Variants in INPP5A observed in about 807,000 individuals in gnomAD.
INPP5A encodes the protein 43 kDa inositol polyphosphate 5-phophatase.
A neutral mutation model predicts 65.2 loss-of-function variants in INPP5A; 14 were observed. That is an observed-to-expected ratio of 0.21 (90% CI 0.14 to 0.34). The LOEUF (loss-of-function observed/expected upper bound fraction) is 0.34. INPP5A is among the 10% of genes least tolerant of loss of function. The pLI, the probability that INPP5A is intolerant of heterozygous loss-of-function variation, is 1.00. For missense variants in INPP5A, 431 were observed against 545.6 expected (o/e 0.79, Z 2.09); for synonymous variants, 207 against 208.3 (o/e 0.99, Z 0.05).
At chr10:132,596,982 T>C (rs2071708935) in intron 1 of INPP5A, among the ~76,000 whole-genome samples, 2 of 151,694 alleles carry the variant, frequency 1.3e-5, no homozygotes, top group Middle Eastern at 6.9e-3. Flanking sequence ...CATGCGTGTG[T>C]GCATGCACGT....
chr10:132,719,014 C>G (rs575741123), intron 8 of INPP5A, among the ~76,000 whole-genome samples: 73 of 145,398 alleles, frequency 5.0e-4, no homozygotes, highest in African/African-American at 1.8e-3. Flanking sequence ...CCTTAGACGA[C>G]TGTCTTGCGG....
chr10:132,666,250 G>A (rs550491651), intron 4 of INPP5A, among the ~76,000 whole-genome samples: 1 of 152,240 alleles, frequency 6.6e-6, no homozygotes, highest in Admixed American at 6.5e-5. Context: ...GGATATTTAT[G>A]TTTAAACCGA....
At chr10:132,669,630 G>A (rs994326622) in intron 4 of INPP5A, among the ~76,000 whole-genome samples, 2 of 152,212 alleles carry the variant, frequency 1.3e-5, no homozygotes, top group Non-Finnish European at 2.9e-5. Flanking sequence ...CACCATTCAT[G>A]TGTCCTTAGT....
At chr10:132,768,122 C>G (rs1846884543) in intron 12 of INPP5A, among the ~76,000 whole-genome samples, 1 of 145,938 alleles carries the variant, frequency 6.9e-6, no homozygotes, top group Non-Finnish European at 1.5e-5. Context: ...TCCCAGGGTG[C>G]CCACGTGCCC....
rs964149705 is a variant in INPP5A at position 132,708,624 on chromosome 10, G to C, written c.527+259G>C. On this transcript the variant is annotated intron_variant, in intron 7 of 15. Transcript: ENST00000368594. ...ACAGTGACGGCCCCAGTCCCTCCCC[G>C]CAGCTGGAGAGTTCCGCTGGCCAGA... 3 of 576,750 alleles carry C rather than the reference G, an allele frequency of 5.2e-6. No homozygotes were observed. The Admixed American group carries it at 6.9e-5, about 13-fold the overall frequency. The allele number at this position is 576,750 out of a possible 1,614,324, so 35.7% of individuals were successfully genotyped here.
At chr10:132,636,780 G>T (rs1042137155) in intron 2 of INPP5A, among the ~76,000 whole-genome samples, 5 of 152,224 alleles carry the variant, frequency 3.3e-5, no homozygotes, top group African/African-American at 1.2e-4. Flanking sequence ...TTTGAAGGAT[G>T]CTTTGCTGGA....
At chr10:132,621,155 C>T (rs755930194) in intron 2 of INPP5A, among the ~76,000 whole-genome samples, 2 of 152,238 alleles carry the variant, frequency 1.3e-5, no homozygotes, top group South Asian at 4.1e-4. Context: ...CAGAGCCCCA[C>T]AGCTCATGCC....
At chr10:132,617,346 G>A (rs1472741600) in intron 2 of INPP5A, among the ~76,000 whole-genome samples, 2 of 152,174 alleles carry the variant, frequency 1.3e-5, no homozygotes, top group African/African-American at 2.4e-5. Context: ...CTGCCTCCTG[G>A]TCTGATCTAA....
intron 1 of INPP5A, among the ~76,000 whole-genome samples, chr10:132,573,847 G>C (rs1224221524): frequency 7.3e-6 from 1 of 136,456 alleles, no homozygotes; most frequent in East Asian, 2.3e-4. Context: ...GGGTGTGTGT[G>C]CTGTGTGAGG....
At chr10:132,553,085 G>A (rs2071076295) in intron 1 of INPP5A, among the ~76,000 whole-genome samples, 1 of 143,938 alleles carries the variant, frequency 6.9e-6, no homozygotes, top group Non-Finnish European at 1.5e-5. Context: ...GACAGGGAGG[G>A]AGGACTGGTG....
rs899663998 is a variant in INPP5A, at chr10:132,704,842, G to T, written c.475-3471G>T. 3.3e-5 allele frequency among the ~76,000 whole-genome samples: 5 copies of T among 149,254 alleles called. No homozygotes were observed. Among genetic ancestry groups the T allele is most frequent in the African/African-American group, 1.2e-4 (5 of 40,396 alleles). ...GCAGGCAGCTCCTCTGGAGTGTGGA[G>T]GATGGAGGAAGGGCGTCTGGACAGG... On this transcript the variant is annotated intron_variant, in intron 6 of 15. Transcript: ENST00000368594. The surrounding 1 kb of genome is among the most constrained non-coding windows in gnomAD (Gnocchi z 4.5).
In INPP5A at chr10:132,697,793, C is replaced by T; in HGVS notation, c.371-23C>T. ...TGGGGCACAGTGATGGGATAGTCAC[C>T]TCGTCCTTCTGGTCTCTTCCAGCTA... On this transcript the variant is annotated intron_variant, in intron 5 of 15. Coordinates refer to ENST00000368594, the MANE Select transcript of INPP5A (RefSeq NM_005539.5). This position sits in a 1 kb window ranked among gnomAD's most constrained non-coding sequence, Gnocchi z 5.6. 1 of 1,522,548 alleles carries T rather than the reference C, an allele frequency of 6.6e-7. No individual in the cohort carries two copies. Among genetic ancestry groups the T allele is most frequent in the African/African-American group, 1.4e-5 (1 of 73,104 alleles). 94.3% of individuals were successfully genotyped at this position (1,522,548 alleles called of 1,614,324 possible). A position where few individuals can be genotyped will look rare whatever the true frequency, so the allele number is the denominator to read the frequency against.
At chr10:132,709,651 C>T (rs1037228521) in intron 7 of INPP5A, among the ~76,000 whole-genome samples, 13 of 152,182 alleles carry the variant, frequency 8.5e-5, no homozygotes, top group African/African-American at 2.4e-4. Context: ...TCATTCCTGG[C>T]GCCTCCTGGT....
At chr10:132,703,749 GTACGGCTT>G in intron 6 of INPP5A, among the ~76,000 whole-genome samples, 2 of 45,358 alleles carry the variant, frequency 4.4e-5, no homozygotes, top group Non-Finnish European at 3.8e-5. Flanking sequence ...ACACATACAC[GTACGGCTT>G]CACCCCCCCC....
chr10:132,645,830 G>T (rs1359184228), intron 2 of INPP5A, 38 bp from the exon 3 acceptor site: 1 of 1,515,418 alleles, frequency 6.6e-7, no homozygotes, highest in Admixed American at 1.8e-5. Flanking sequence ...TCTGTGGACG[G>T]CTCCGACGAC....
chr10:132,633,457 G>A (rs1176377291), intron 2 of INPP5A, among the ~76,000 whole-genome samples: 6 of 152,188 alleles, frequency 3.9e-5, no homozygotes, highest in Non-Finnish European at 1.5e-5. Context: ...TCTGATGTGC[G>A]TGTCTGTCGG....
chr10:132,724,265 A>G (rs937527878), intron 8 of INPP5A, among the ~76,000 whole-genome samples: 4 of 152,230 alleles, frequency 2.6e-5, no homozygotes, highest in Non-Finnish European at 5.9e-5. Context: ...AAGATGGGAC[A>G]CGTTGAATAA....
At position 132,610,263 on chromosome 10, in the gene INPP5A, C is replaced by T. The variant is rs1218100388; in HGVS notation, c.117+2307C>T. On this transcript the variant is annotated intron_variant, in intron 2 of 15. Coordinates refer to ENST00000368594, the MANE Select transcript of INPP5A (RefSeq NM_005539.5). ...GGTCGATGTGGAGGAAGCCCCTGTCCCCACGCTCCAGCCCCTGGCAATTGT... is the reference window on the plus strand; with the variant it reads ...GGTCGATGTGGAGGAAGCCCCTGTCTCCACGCTCCAGCCCCTGGCAATTGT... 5.9e-5 allele frequency among the ~76,000 whole-genome samples: 9 copies of T among 152,330 alleles called. No individual in the cohort carries two copies. The East Asian group carries it at 1.2e-3, about 20-fold the overall frequency.
chr10:132,749,337 G>T (rs1490437945), intron 9 of INPP5A, among the ~76,000 whole-genome samples, 180 bp from the exon 10 acceptor site: 2 of 149,560 alleles, frequency 1.3e-5, no homozygotes, highest in Non-Finnish European at 3.0e-5. Context: ...CAGGCCCTTC[G>T]CACGTGTGAG....
Sources: gnomAD v4.1 joint callset for allele counts (sites outside exome capture counted in the v4.1 genomes callset) on GRCh38, gnomAD v4.1.1 for gene constraint, Gnocchi (gnomAD v3.1) non-coding constraint, MANE v1.5 for transcripts, NCBI Gene and HGNC (gene_info 2026-07-23, HGNC 2026-07-21) for gene names.